Variants in PKNOX2 observed in about 807,000 individuals in gnomAD.
The protein encoded by PKNOX2 is homeobox protein PKNOX2.
A neutral mutation model predicts 53.1 loss-of-function variants in PKNOX2; 14 were observed. The ratio of observed to expected loss-of-function variants is 0.26; its 90% CI spans 0.17 to 0.41. The LOEUF (loss-of-function observed/expected upper bound fraction) is 0.41. Ranked by LOEUF, PKNOX2 falls within the 10% of genes least tolerant of loss-of-function variation. The pLI is 1.00. For synonymous variants in PKNOX2, 257 were observed against 242.8 expected, an observed-to-expected ratio of 1.06 and a Z score of -0.54; for missense variants, 496 against 602.8, an observed-to-expected ratio of 0.82 and a Z score of 1.85.
chr11:125,385,282 T>C (rs1953544455), intron 5 of PKNOX2, among the ~76,000 whole-genome samples: 2 of 152,172 alleles, frequency 1.3e-5, no homozygotes. Flanking sequence ...CAAATATTCA[T>C]GCAGTTTATC....
intron 10 of PKNOX2, among the ~76,000 whole-genome samples, chr11:125,424,428 T>TGGTC (rs1254392032): frequency 6.6e-6 from 1 of 152,048 alleles, no homozygotes; most frequent in Non-Finnish European, 1.5e-5. Context: ...TGATGGAATG[T>TGGTC]GGTCGTTTTG....
intron 2 of PKNOX2, among the ~76,000 whole-genome samples, chr11:125,250,214 C>T (rs1943892787): frequency 6.6e-6 from 1 of 152,154 alleles, no homozygotes; most frequent in African/African-American, 2.4e-5. Flanking sequence ...CCATGCCCAG[C>T]TTGGGGTGAT....
intron 2 of PKNOX2, among the ~76,000 whole-genome samples, chr11:125,238,318 G>GGAA (rs1328608905): frequency 6.6e-6 from 1 of 152,208 alleles, no homozygotes; most frequent in Non-Finnish European, 1.5e-5. Context: ...AGAGTTTGGA[G>GGAA]GAAGAGTCTT....
Position 125,397,966 on chromosome 11 carries a change from C to T in PKNOX2, c.492C>T (p.Thr164=). 1 of 1,614,142 alleles carries T rather than the reference C, an allele frequency of 6.2e-7. No homozygotes were observed. The highest frequency in any genetic ancestry group is 8.5e-7 in the Non-Finnish European group (1 of 1,180,014). Residue 164 remains threonine, a synonymous_variant, in exon 7 of 13, where the codon ACC becomes ACT. Transcript: ENST00000298282. ...LCKDFCNRYI[T]CLKTKMHSDN... ...AGGACTTTTGTAACCGTTACATCAC[C>T]TGCCTCAAAACCAAGATGCACAGCG... is the stretch of plus-strand genomic sequence containing the variant.
rs982556164 is a variant in PKNOX2 at position 125,165,393 on chromosome 11, A to G, written c.-201+617A>G. ...CGGGGAGAGGCTGGGAACCGCGGGC[A>G]GGCTCCAGGTTCTCTTTCTCCCGGC... On this transcript the variant is annotated intron_variant, in intron 1 of 12. Coordinates refer to ENST00000298282, the MANE Select transcript of PKNOX2 (RefSeq NM_001382323.2). The surrounding 1 kb of genome is among the most constrained non-coding windows in gnomAD (Gnocchi z 4.5). 6.6e-6 allele frequency among the ~76,000 whole-genome samples: 1 copy of G among 152,054 alleles called. No homozygotes were observed.
intron 2 of PKNOX2, among the ~76,000 whole-genome samples, chr11:125,308,950 G>A (rs1287766461): frequency 6.6e-6 from 1 of 152,110 alleles, no homozygotes; most frequent in African/African-American, 2.4e-5. Flanking sequence ...TTCTGTTCTG[G>A]AAGTATGTAC....
chr11:125,243,639 T>C (rs76834600), intron 2 of PKNOX2, among the ~76,000 whole-genome samples: 2 of 151,364 alleles, frequency 1.3e-5, no homozygotes, highest in Non-Finnish European at 1.5e-5. Context: ...TTTTTTTTTT[T>C]TGAGATAGGG....
At chr11:125,389,739 G>A (rs926603416) in intron 6 of PKNOX2, among the ~76,000 whole-genome samples, 9 of 152,198 alleles carry the variant, frequency 5.9e-5, no homozygotes, top group Non-Finnish European at 1.2e-4. Flanking sequence ...TATATATTAT[G>A]CAAGATTTCA....
At chr11:125,328,613 C>T (rs951720314) in intron 2 of PKNOX2, among the ~76,000 whole-genome samples, 1 of 152,194 alleles carries the variant, frequency 6.6e-6, no homozygotes, top group African/African-American at 2.4e-5. Context: ...GCAAAGCTCC[C>T]AGGATTGGCC....
At chr11:125,412,203 G>C (rs1249969843) in intron 10 of PKNOX2, among the ~76,000 whole-genome samples, 1 of 152,300 alleles carries the variant, frequency 6.6e-6, no homozygotes, top group African/African-American at 2.4e-5. Flanking sequence ...GGGAGTGGGT[G>C]GTTTCTGGTC....
intron 2 of PKNOX2, among the ~76,000 whole-genome samples, chr11:125,292,049 T>TA (rs1947339931): frequency 1.3e-5 from 2 of 152,228 alleles, no homozygotes; most frequent in Admixed American, 1.3e-4. Flanking sequence ...ATTTAATGGT[T>TA]AAAATGGCAT....
intron 2 of PKNOX2, chr11:125,330,459 T>C (rs186687561): frequency 6.6e-6 from 1 of 152,328 alleles, no homozygotes; most frequent in East Asian, 1.9e-4. Context: ...GTATCTCTTA[T>C]GTCCTCTTGG....
At chr11:125,410,951 C>T in intron 9 of PKNOX2, 75 bp downstream of exon 9, 1 of 1,229,304 alleles carries the variant, frequency 8.1e-7, no homozygotes, top group Non-Finnish European at 1.2e-6. Context: ...ATCTGCCAGG[C>T]ACTTTACACG....
intron 7 of PKNOX2, among the ~76,000 whole-genome samples, chr11:125,408,160 G>C (rs1565518811): frequency 6.6e-6 from 1 of 152,248 alleles, no homozygotes; most frequent in Admixed American, 6.5e-5. Context: ...AACGGGCTGT[G>C]TGGCCTTGGG....
Position 125,413,346 on chromosome 11 carries a change from G to C in PKNOX2, c.936+1481G>C, listed in dbSNP as rs888238958. The stretch of plus-strand genomic sequence containing the variant: ...AGTGGCTGGAGTGCACAGGGGGAAC[G>C]CCCAGGTCTCCTGCCTTTCAGGTTT... On this transcript the variant is annotated intron_variant, in intron 10 of 12. Transcript: ENST00000298282. Among the ~76,000 whole-genome samples the C allele has an allele frequency of 3.9e-5, 6 of 152,310 alleles. No individual in the cohort carries two copies. In the South Asian group the frequency reaches 1.2e-3, roughly 32 times the overall value.
At chr11:125,190,849 G>C (rs138769113) in intron 1 of PKNOX2, 120 of 152,322 alleles carry the variant, frequency 7.9e-4, no homozygotes, top group African/African-American at 2.8e-3. Flanking sequence ...TTGGCCTAGA[G>C]CAATTATTGT....
intron 7 of PKNOX2, among the ~76,000 whole-genome samples, chr11:125,408,566 T>G (rs1049378726): frequency 2.0e-5 from 3 of 152,162 alleles, no homozygotes; most frequent in African/African-American, 4.8e-5. Flanking sequence ...TAGGAAATAC[T>G]CCTCCAGCTC....
chr11:125,270,627 A>C (rs780254859), intron 2 of PKNOX2, among the ~76,000 whole-genome samples: 1 of 152,220 alleles, frequency 6.6e-6, no homozygotes, highest in Non-Finnish European at 1.5e-5. Context: ...TACACTCGAA[A>C]AAAAATTGAT....
intron 2 of PKNOX2, among the ~76,000 whole-genome samples, chr11:125,314,771 A>G (rs750666682): frequency 6.6e-6 from 1 of 152,008 alleles, no homozygotes; most frequent in African/African-American, 2.4e-5. Context: ...AAAACCTGGC[A>G]GAGATGTTCC....
Sources: allele counts gnomAD v4.1 joint callset (sites outside exome capture counted in the v4.1 genomes callset), GRCh38; gene constraint gnomAD v4.1.1; non-coding constraint Gnocchi (gnomAD v3.1); transcripts MANE v1.5; gene names NCBI Gene and HGNC (gene_info 2026-07-23, HGNC 2026-07-21).